ATR: variants seen among roughly 807,000 people sequenced by gnomAD.
ATR encodes the protein ATR checkpoint kinase.
ATR carries 142 observed loss-of-function variants against 305.3 expected under a neutral mutation model. That is an observed-to-expected ratio of 0.47 (90% CI 0.41 to 0.53). The LOEUF (loss-of-function observed/expected upper bound fraction) is 0.53, where lower values mean the gene tolerates loss of function less well. ATR is among the 20% of genes least tolerant of loss of function. The probability of loss-of-function intolerance (pLI) is 0.00; values close to 1 mark genes in which losing one functional copy is unlikely to be tolerated. For synonymous variants in ATR, 1,050 were observed against 1,068.1 expected (o/e 0.98, Z 0.33); for missense variants, 2,135 against 3,133.1 (o/e 0.68, Z 7.60).
chr3:142,467,375 T>C (rs1194822452), intron 39 of ATR, among the ~76,000 whole-genome samples: 2 of 152,156 alleles, frequency 1.3e-5, no homozygotes, highest in African/African-American at 4.8e-5. Flanking sequence ...TAGATAACCA[T>C]CTGCTTAGTT....
rs539337477 is a variant in ATR, at chr3:142,519,743, G to A, written c.4308C>T (p.Asn1436=). 2.3e-5 allele frequency: 37 copies of A among 1,614,016 alleles called. No homozygotes were observed. Among genetic ancestry groups the A allele is most frequent in the South Asian group, 1.4e-4 (13 of 91,070 alleles). ...TCCTCCACAATTGGTGACCTGGGCC[G>A]TTGGTCTCCATCTCTCTACAGTCAT... ...SIYDCREMET[N]GPGHQLWRRF... is the part of the protein sequence containing the mutation. Residue 1436 remains asparagine (N), a synonymous_variant, in exon 24 of 47, where the codon AAC becomes AAT. Coordinates refer to ENST00000350721, the MANE Select transcript of ATR (RefSeq NM_001184.4).
chr3:142,556,196 A>G, intron 9 of ATR, 57 bp from the exon 10 acceptor site: 2 of 1,587,028 alleles, frequency 1.3e-6, no homozygotes, highest in Non-Finnish European at 1.7e-6. Flanking sequence ...TGGTCTAAAT[A>G]GTCTTGCTTA....
At position 142,511,201 on chromosome 3, in the gene ATR, T is replaced by TACAC. The variant is rs145651691; in HGVS notation, c.4852+1055_4852+1058dup. Among the ~76,000 whole-genome samples the TACAC allele has an allele frequency of 1.1e-3, 172 of 150,148 alleles. 2 individuals carry two copies. Among genetic ancestry groups the TACAC allele is most frequent in the African/African-American group, 3.7e-3 (153 of 41,124 alleles). ...AATGACAAAGAACAGAGTACACACATACACACACACACACACACAAAAACT... is the reference window on the plus strand; with the variant it reads ...AATGACAAAGAACAGAGTACACACATACACACACACACACACACACACAAAAACT... On this transcript the variant is annotated intron_variant, in intron 27 of 46. Transcript: ENST00000350721.
chr3:142,507,183 G>A (rs776645704), intron 28 of ATR, among the ~76,000 whole-genome samples: 1 of 152,156 alleles, frequency 6.6e-6, no homozygotes, highest in Non-Finnish European at 1.5e-5. Context: ...TTTGCTTTTT[G>A]ATTTGAAAAG....
At chr3:142,568,663 G>A (rs2035157575) in intron 1 of ATR, among the ~76,000 whole-genome samples, 1 of 152,210 alleles carries the variant, frequency 6.6e-6, no homozygotes, top group African/African-American at 2.4e-5. Flanking sequence ...TGCAAACCCA[G>A]GCATCCCTGC....
chr3:142,524,311 A>G, intron 21 of ATR, 112 bp from the exon 22 acceptor site: 7 of 1,110,554 alleles, frequency 6.3e-6, no homozygotes, highest in Non-Finnish European at 9.0e-6. Context: ...TATTGACAAA[A>G]TTAAATTTCT....
intron 40 of ATR, among the ~76,000 whole-genome samples, chr3:142,466,012 A>G (rs1319861208): frequency 1.5e-5 from 2 of 136,658 alleles, no homozygotes; most frequent in African/African-American, 6.5e-5. Context: ...CCTGTTTCCA[A>G]AAAAAAAAAA....
intron 3 of ATR, among the ~76,000 whole-genome samples, chr3:142,564,562 C>T: frequency 6.6e-6 from 1 of 152,144 alleles, no homozygotes; most frequent in East Asian, 1.9e-4. Context: ...CTCAGGTACA[C>T]AAGAATAAAT....
intron 20 of ATR, 116 bp downstream of exon 20, chr3:142,535,992 G>A: frequency 1.3e-6 from 1 of 755,208 alleles, no homozygotes; most frequent in South Asian, 1.6e-5. Context: ...TTAGCTATCA[G>A]AATAGGACTA....
chr3:142,561,335 G>A lies in ATR; in HGVS notation c.1257C>T (p.Asn419=). The A allele has an allele frequency of 6.2e-7, 1 of 1,613,966 alleles. No homozygotes were observed. Among genetic ancestry groups the A allele is most frequent in the Non-Finnish European group, 8.5e-7 (1 of 1,179,926 alleles). ...EEIQCQTQQE[N]LSSNSDGISP... is the part of the protein sequence containing the mutation. Reference sequence around the variant, plus strand: ...ATATTCCATCACTATTACTGCTGAGGTTTTCCTGTTGAGTTTGGCATTGAA... The same window carrying A: ...ATATTCCATCACTATTACTGCTGAGATTTTCCTGTTGAGTTTGGCATTGAA... The change falls in exon 5 of 47, where the codon AAC becomes AAT. Residue 419 remains asparagine, a synonymous_variant. Coordinates refer to ENST00000350721, the MANE Select transcript of ATR (RefSeq NM_001184.4).
At chr3:142,541,311 T>C (rs978277346) in intron 17 of ATR, among the ~76,000 whole-genome samples, 4 of 152,186 alleles carry the variant, frequency 2.6e-5, no homozygotes, top group African/African-American at 9.6e-5. Context: ...ACAGTACAAT[T>C]TCTAATTTAT....
In ATR at chr3:142,464,035, AC is replaced by A. The variant is rs1429266603; in HGVS notation, c.7041+1061del. On this transcript the variant is annotated intron_variant, in intron 41 of 46. Transcript: ENST00000350721. ...TACATAAAACCATACATTTATAATA[AC>A]CCTTTAATAAGATTCCTCATATCAT... is the stretch of plus-strand genomic sequence containing the variant. Among the ~76,000 whole-genome samples, 5 of 152,344 alleles carry A rather than the reference AC, an allele frequency of 3.3e-5. No individual in the cohort carries two copies. The East Asian group carries it at 9.6e-4, about 29-fold the overall frequency.
rs746485010 is a variant in ATR at position 142,554,010 on chromosome 3, T to C, written c.2347A>G (p.Ile783Val). ...TTACAAAGATGATGTAGATTATCTA[T>C]GAAAGCTGAAGGACAAGAGTATACA... Reference protein sequence around the residue: ...KIPSPVKLAFIDNLHHLCKHL... With the variant: ...KIPSPVKLAFVDNLHHLCKHL... The change falls in exon 11 of 47, where the codon ATA becomes GTA. Residue 783 changes from isoleucine (I) to valine (V), a missense_variant. Ile to Val is a conservative substitution (Grantham distance 29). Transcript: ENST00000350721. 2 of 1,605,442 alleles carry C rather than the reference T, an allele frequency of 1.2e-6. No individual in the cohort carries two copies. Among genetic ancestry groups the C allele is most frequent in the Non-Finnish European group, 1.7e-6 (2 of 1,175,160 alleles).
intron 30 of ATR, among the ~76,000 whole-genome samples, chr3:142,503,081 C>T (rs1377439039): frequency 6.6e-6 from 1 of 152,054 alleles, no homozygotes; most frequent in Non-Finnish European, 1.5e-5. Flanking sequence ...CCTTTGAGGC[C>T]CAGGAAGTCC....
intron 35 of ATR, among the ~76,000 whole-genome samples, chr3:142,487,628 G>A (rs1159031102): frequency 6.6e-6 from 1 of 152,042 alleles, no homozygotes; most frequent in African/African-American, 2.4e-5. Flanking sequence ...AAATAATAAT[G>A]TTATAAACAT....
intron 27 of ATR, among the ~76,000 whole-genome samples, chr3:142,508,971 A>G (rs976378311): frequency 5.3e-5 from 8 of 151,948 alleles, no homozygotes; most frequent in East Asian, 1.9e-4. Flanking sequence ...GTGCCTTCAA[A>G]GTAAAACCAC....
intron 28 of ATR, among the ~76,000 whole-genome samples, chr3:142,506,452 G>A (rs1048250006): frequency 6.6e-6 from 1 of 152,162 alleles, no homozygotes; most frequent in Non-Finnish European, 1.5e-5. Context: ...CCAGCACTTT[G>A]AGAGGCCAAG....
intron 5 of ATR, 64 bp from the exon 6 acceptor site, chr3:142,560,518 C>T: frequency 3.4e-6 from 5 of 1,460,988 alleles, no homozygotes; most frequent in Non-Finnish European, 4.7e-6. Flanking sequence ...AAACATGAAA[C>T]ATATTTAGAA....
chr3:142,487,087 G>T (rs868706416), intron 35 of ATR, among the ~76,000 whole-genome samples: 2 of 151,888 alleles, frequency 1.3e-5, no homozygotes, highest in African/African-American at 4.8e-5. Context: ...AGCCAAGATC[G>T]CGCAACTGCA....
Sources: allele counts gnomAD v4.1 joint callset (sites outside exome capture counted in the v4.1 genomes callset), GRCh38; gene constraint gnomAD v4.1.1; transcripts MANE v1.5; gene names NCBI Gene and HGNC (gene_info 2026-07-23, HGNC 2026-07-21).